The following L3MBTL2 variants were observed in gnomAD, a reference collection of about 807,000 sequenced individuals.
The protein encoded by L3MBTL2 is lethal(3)malignant brain tumor-like protein 2.
In L3MBTL2, 49 loss-of-function variants were observed where a neutral mutation model predicts 86.4. The observed-to-expected ratio is 0.57, with a 90% CI of 0.45 to 0.72. The LOEUF is 0.72. L3MBTL2 is among the 30% of genes least tolerant of loss of function. The pLI is 0.00. For missense variants in L3MBTL2, 755 were observed against 923.7 expected (o/e 0.82, Z 2.37); for synonymous variants, 336 against 350.6 (o/e 0.96, Z 0.47).
rs761996501 is a variant in L3MBTL2 at position 41,225,300 on chromosome 22, C to T, written c.1356+229C>T. On this transcript the variant is annotated intron_variant, in intron 11 of 16. Coordinates refer to ENST00000216237, the MANE Select transcript of L3MBTL2 (RefSeq NM_031488.5). The surrounding 1 kb of genome is among the most constrained non-coding windows in gnomAD (Gnocchi z 4.1). ...CCCTGGACGAGTGCTTATTCAACAC[C>T]TGAGCCTGGTCCTGTGTCAGAGTAG... Among the ~76,000 whole-genome samples the T allele has an allele frequency of 1.6e-4, 25 of 152,340 alleles. No individual in the cohort carries two copies. The highest frequency in any genetic ancestry group is 2.9e-4 in the Non-Finnish European group (20 of 68,032).
At chr22:41,210,191 T>C (rs7290378) in intron 2 of L3MBTL2, among the ~76,000 whole-genome samples, 59,403 of 143,354 alleles carry the variant, frequency 0.41, 13,064 homozygotes, top group African/African-American at 0.56. Flanking sequence ...GCCCTGTTGC[T>C]CAGGATGGAG....
rs777759974 is a variant in L3MBTL2 at position 41,224,197 on chromosome 22, CT to C, written c.1121del (p.Leu374ArgfsTer59). On this transcript the variant is annotated frameshift_variant, in exon 9 of 17. Transcript: ENST00000216237. LOFTEE classifies it high-confidence loss of function. The surrounding 1 kb of genome is among the most constrained non-coding windows in gnomAD (Gnocchi z 4.9). ...CTTCTGGTGCCACATGTGGAGCCCC[CT>C]GATCCACCCAGTGGGTTGGTCACGA... ...DDFWCHMWSPLIHPVGWSRRV... is the reference protein window; with the variant it reads ...DDFWCHMWSPXIHPVGWSRRV... The C allele has an allele frequency of 6.2e-6, 10 of 1,614,062 alleles. No individual in the cohort carries two copies. The highest frequency in any genetic ancestry group is 2.2e-5 in the East Asian group (1 of 44,874).
rs189954161 is a variant in L3MBTL2, at chr22:41,228,670, C to T, written c.1888+801C>T. ...TCCAAGACCAGCCTGACCAACATGG[C>T]GAAACCCCGTCTCTACTAAAAATAC... is the stretch of plus-strand genomic sequence containing the variant. On this transcript the variant is annotated intron_variant, in intron 15 of 16. Transcript: ENST00000216237. 1.6e-3 allele frequency: 381 copies of T among 241,288 alleles called. 1 individual carries two copies. Among genetic ancestry groups the T allele is most frequent in the African/African-American group, 8.6e-3 (369 of 43,026 alleles). The allele number at this position is 241,288 out of a possible 1,614,324, so 14.9% of individuals were successfully genotyped here.
chr22:41,225,851 T>G lies in L3MBTL2; in HGVS notation c.1414T>G (p.Leu472Val). ...GGACGGGGGGCCCTCCACAGATGGC[T>G]TGGACTGGTTCTGCTACCATGCCTC... ...CVDGGPSTDGLDWFCYHASSH... is the reference protein window; with the variant it reads ...CVDGGPSTDGVDWFCYHASSH... The change falls in exon 12 of 17, where the codon TTG becomes GTG. Residue 472 changes from leucine (L) to valine (V), a missense_variant. This residue lies in a region of L3MBTL2 where 634 missense variants were observed against 748.9 expected (regional missense o/e 0.85). Coordinates refer to ENST00000216237, the MANE Select transcript of L3MBTL2 (RefSeq NM_031488.5). The surrounding 1 kb of genome is among the most constrained non-coding windows in gnomAD (Gnocchi z 4.1). The G allele has an allele frequency of 2.5e-6, 4 of 1,614,140 alleles. No individual in the cohort carries two copies. The highest frequency in any genetic ancestry group is 3.4e-6 in the Non-Finnish European group (4 of 1,180,016).
At chr22:41,206,459 C>T (rs2030217815) in intron 1 of L3MBTL2, among the ~76,000 whole-genome samples, 2 of 152,088 alleles carry the variant, frequency 1.3e-5, no homozygotes, top group Admixed American at 6.6e-5. Context: ...GTAGCTGGGA[C>T]TATAGGTGGT....
Position 41,230,222 on chromosome 22 carries a change from G to A in L3MBTL2, c.2089G>A (p.Glu697Lys), listed in dbSNP as rs765453159. ...AAGTCCAGAGCTGCCTGTCTCCGTC[G>A]AGAACATCAAGCAGGAAACAGACGA... ...ASSPELPVSVENIKQETDD is the reference protein window; with the variant it reads ...ASSPELPVSVKNIKQETDD The change falls in exon 17 of 17, where the codon GAG (glutamate) becomes AAG (lysine). Residue 697 changes from glutamate (E) to lysine (K), a missense_variant. Glu to Lys is a moderately conservative substitution (Grantham distance 56). Transcript: ENST00000216237. 21 of 1,613,498 alleles carry A rather than the reference G, an allele frequency of 1.3e-5. No individual in the cohort carries two copies. Among genetic ancestry groups the A allele is most frequent in the Admixed American group, 3.3e-5 (2 of 59,948 alleles).
chr22:41,229,025 A>T (rs2032394284), intron 15 of L3MBTL2, among the ~76,000 whole-genome samples: 1 of 152,072 alleles, frequency 6.6e-6, no homozygotes, highest in Non-Finnish European at 1.5e-5. Flanking sequence ...TGAGAGGCTG[A>T]GGTGGGAGGA....
rs1441689175 is a variant in L3MBTL2 at position 41,227,065 on chromosome 22, C to T, written c.1588-24C>T. On this transcript the variant is annotated intron_variant, in intron 13 of 16. Transcript: ENST00000216237. The surrounding 1 kb of genome is among the most constrained non-coding windows in gnomAD (Gnocchi z 6.0). ...GGGGTAGGGAGCTGACTGGCTTGGC[C>T]ACTGCCTCCTTTTTCTGCCCCAGGA... is the stretch of plus-strand genomic sequence containing the variant. The T allele has an allele frequency of 6.3e-7, 1 of 1,582,386 alleles. No homozygotes were observed. The highest frequency in any genetic ancestry group is 1.1e-5 in the South Asian group (1 of 87,578).
At chr22:41,210,129 C>T in intron 2 of L3MBTL2, 196 bp downstream of exon 2, 2 of 410,178 alleles carry the variant, frequency 4.9e-6, no homozygotes, top group Non-Finnish European at 8.4e-6. Context: ...ACTTCCTTTG[C>T]TGAAGTCTAA....
At chr22:41,223,723 G>A (rs768342285) in intron 8 of L3MBTL2, among the ~76,000 whole-genome samples, 5 of 152,222 alleles carry the variant, frequency 3.3e-5, no homozygotes, top group African/African-American at 4.8e-5. Flanking sequence ...TCTAAAGTGC[G>A]TTTTGTGATT....
rs1039258660 is a variant in L3MBTL2, at chr22:41,217,411, G to T, written c.600+209G>T. On this transcript the variant is annotated intron_variant, in intron 5 of 16. Coordinates refer to ENST00000216237, the MANE Select transcript of L3MBTL2 (RefSeq NM_031488.5). ...CTATCACCTGCTTGGCTTCACTCCC[G>T]GTCTGAAGCCCTTCAGTTTATTTAC... 5 of 556,072 alleles carry T rather than the reference G, an allele frequency of 9.0e-6. No homozygotes were observed. The Admixed American group carries it at 1.6e-4, about 18-fold the overall frequency. 34.4% of individuals were successfully genotyped at this position (556,072 alleles called of 1,614,324 possible).
intron 2 of L3MBTL2, among the ~76,000 whole-genome samples, chr22:41,211,556 C>CCTTT (rs1406881348): frequency 6.2e-5 from 4 of 64,732 alleles, no homozygotes; most frequent in African/African-American, 3.0e-4. Context: ...AATCTTATTT[C>CCTTT]CTTTTTTTTT....
In L3MBTL2 at chr22:41,227,379, T is replaced by C; in HGVS notation, c.1822+56T>C. On this transcript the variant is annotated intron_variant, in intron 14 of 16. Transcript: ENST00000216237. The surrounding 1 kb of genome is among the most constrained non-coding windows in gnomAD (Gnocchi z 6.0). ...GACTTTCTTTCCTCTTCTTTTTTCC[T>C]TCTTCCCCCGCCCCTGTGCCCATCT... 4 of 1,483,426 alleles carry C rather than the reference T, an allele frequency of 2.7e-6. No individual in the cohort carries two copies. The highest frequency in any genetic ancestry group is 2.5e-5 in the East Asian group (1 of 40,524). The allele number at this position is 1,483,426 out of a possible 1,614,324, so 91.9% of individuals were successfully genotyped here.
intron 7 of L3MBTL2, 149 bp from the exon 8 acceptor site, chr22:41,221,050 T>G: frequency 1.1e-6 from 1 of 912,556 alleles, no homozygotes; most frequent in South Asian, 1.7e-5. Context: ...TGGAATCTGA[T>G]GTTCTCAGAT....
chr22:41,213,733 T>C (rs1159028163), intron 2 of L3MBTL2, 160 bp from the exon 3 acceptor site: 1 of 751,814 alleles, frequency 1.3e-6, no homozygotes. Context: ...ATTCAGGATA[T>C]ACACACCAGT....
Position 41,227,542 on chromosome 22 carries a change from C to A in L3MBTL2, c.1822+219C>A. ...AGAGCTCCTTCCTTCATCTTGCCCACTCTGTCATATGTTCGTGCCCTTGTG... is the reference window on the plus strand; with the variant it reads ...AGAGCTCCTTCCTTCATCTTGCCCAATCTGTCATATGTTCGTGCCCTTGTG... On this transcript the variant is annotated intron_variant, in intron 14 of 16. Coordinates refer to ENST00000216237, the MANE Select transcript of L3MBTL2 (RefSeq NM_031488.5). This position sits in a 1 kb window ranked among gnomAD's most constrained non-coding sequence, Gnocchi z 6.0. 6.6e-7 allele frequency: 1 copy of A among 1,509,592 alleles called. No homozygotes were observed. Among genetic ancestry groups the A allele is most frequent in the Non-Finnish European group, 9.0e-7 (1 of 1,110,442 alleles). 93.5% of individuals were successfully genotyped at this position (1,509,592 alleles called of 1,614,324 possible).
intron 2 of L3MBTL2, 54 bp downstream of exon 2, chr22:41,209,987 A>C: frequency 1.3e-6 from 2 of 1,592,090 alleles, no homozygotes; most frequent in Admixed American, 1.7e-5. Flanking sequence ...TTATAGAGGA[A>C]GAGGGGGGTG....
Position 41,230,975 on chromosome 22 carries a change from C to T in L3MBTL2, c.*724C>T, listed in dbSNP as rs2032559466. 1 of 152,212 alleles carries T rather than the reference C, an allele frequency of 6.6e-6. No individual in the cohort carries two copies. The highest frequency in any genetic ancestry group is 1.5e-5 in the Non-Finnish European group (1 of 68,086). 9.4% of individuals were successfully genotyped at this position (152,212 alleles called of 1,614,324 possible). A position where few individuals can be genotyped will look rare whatever the true frequency, so the allele number is the denominator to read the frequency against. ...GGGAGGACATTGGGAGGAAGATGGCCTGAGTGTGCACTTTGGCTCTGCTAC... is the reference window on the plus strand; with the variant it reads ...GGGAGGACATTGGGAGGAAGATGGCTTGAGTGTGCACTTTGGCTCTGCTAC... On this transcript the variant is annotated 3_prime_UTR_variant, in exon 17 of 17. Transcript: ENST00000216237.
At chr22:41,206,601 A>G (rs1241299631) in intron 1 of L3MBTL2, among the ~76,000 whole-genome samples, 1 of 152,070 alleles carries the variant, frequency 6.6e-6, no homozygotes, top group Non-Finnish European at 1.5e-5. Context: ...GATCGAGACC[A>G]TCCTGGCTAA....
Sources: allele counts gnomAD v4.1 joint callset (sites outside exome capture counted in the v4.1 genomes callset), GRCh38; gene constraint gnomAD v4.1.1; regional missense constraint gnomAD v4.1.1; non-coding constraint Gnocchi (gnomAD v3.1); transcripts MANE v1.5; gene names NCBI Gene and HGNC (gene_info 2026-07-23, HGNC 2026-07-21).